Variants in P2RX7 observed in about 807,000 individuals in gnomAD.
The protein encoded by P2RX7 is purinergic receptor P2X 7.
A neutral mutation model predicts 71.6 loss-of-function variants in P2RX7; 62 were observed. The observed-to-expected ratio is 0.87, with a 90% CI of 0.71 to 1.07. P2RX7 has a LOEUF of 1.07. Ranked by LOEUF, P2RX7 falls within the 50% of genes least tolerant of loss-of-function variation. The pLI is 0.00. For synonymous variants in P2RX7, 299 were observed against 283.3 expected (o/e 1.06, Z -0.56); for missense variants, 686 against 748.5 (o/e 0.92, Z 0.97).
intron 1 of P2RX7, among the ~76,000 whole-genome samples, chr12:121,142,753 A>T (rs1875224266): frequency 6.6e-6 from 1 of 152,282 alleles, no homozygotes; most frequent in South Asian, 2.1e-4. Flanking sequence ...AATAGCACTC[A>T]GGGCCCACCT....
At chr12:121,133,860 T>C (rs1872937819) in intron 1 of P2RX7, among the ~76,000 whole-genome samples, 1 of 152,184 alleles carries the variant, frequency 6.6e-6, no homozygotes, top group Non-Finnish European at 1.5e-5. Context: ...TCAATGCTCA[T>C]CCATGTTGTA....
chr12:121,151,417 A>T (rs1347083792), intron 1 of P2RX7, among the ~76,000 whole-genome samples: 1 of 151,808 alleles, frequency 6.6e-6, no homozygotes, highest in Non-Finnish European at 1.5e-5. Flanking sequence ...TTGTATTTTT[A>T]GTAGAGACGG....
chr12:121,158,733 T>TAA (rs34523898), intron 3 of P2RX7, among the ~76,000 whole-genome samples: 2 of 151,300 alleles, frequency 1.3e-5, no homozygotes, highest in South Asian at 2.1e-4. Context: ...TGCTGTTTTT[T>TAA]AAAAAAAAAA....
At chr12:121,174,806 T>C (rs1005949780) in intron 8 of P2RX7, among the ~76,000 whole-genome samples, 2 of 151,996 alleles carry the variant, frequency 1.3e-5, no homozygotes, top group Non-Finnish European at 2.9e-5. Context: ...TGCATTTTAA[T>C]CTTAAGCGAC....
At chr12:121,184,110 C>T (rs181470599) in intron 12 of P2RX7, among the ~76,000 whole-genome samples, 195 bp from the exon 13 acceptor site, 1 of 151,992 alleles carries the variant, frequency 6.6e-6, no homozygotes, top group Admixed American at 6.6e-5. Flanking sequence ...GATACATTAT[C>T]TCACAAGCGT....
chr12:121,165,578 C>T (rs1207423867), intron 6 of P2RX7, 141 bp downstream of exon 6: 3 of 707,358 alleles, frequency 4.2e-6, no homozygotes, highest in Admixed American at 4.6e-5. Flanking sequence ...GACTTTGCTG[C>T]GTGGTTCTGG....
intron 4 of P2RX7, 197 bp from the exon 5 acceptor site, chr12:121,162,227 T>C: frequency 1.5e-6 from 2 of 1,378,230 alleles, no homozygotes; most frequent in Non-Finnish European, 1.9e-6. Flanking sequence ...CTGATCTTTA[T>C]TATGTTTTGC....
intron 3 of P2RX7, among the ~76,000 whole-genome samples, chr12:121,157,753 A>G (rs1056016918): frequency 3.3e-5 from 5 of 152,200 alleles, no homozygotes; most frequent in Admixed American, 2.0e-4. Flanking sequence ...TAACTCTGTG[A>G]CCTCAGGCAG....
At chr12:121,146,097 C>T (rs775469207) in intron 1 of P2RX7, among the ~76,000 whole-genome samples, 7 of 152,160 alleles carry the variant, frequency 4.6e-5, no homozygotes, top group African/African-American at 1.4e-4. Context: ...CTGTAACTTT[C>T]GCCTTTGGTT....
chr12:121,151,185 G>A (rs1877315676), intron 1 of P2RX7, among the ~76,000 whole-genome samples: 1 of 152,058 alleles, frequency 6.6e-6, no homozygotes, highest in African/African-American at 2.4e-5. Context: ...TTGCACCTGT[G>A]AAATAGCCAC....
intron 1 of P2RX7, among the ~76,000 whole-genome samples, chr12:121,137,015 G>GT (rs1306767092): frequency 6.6e-6 from 1 of 152,128 alleles, no homozygotes; most frequent in East Asian, 1.9e-4. Context: ...AGAACACCTT[G>GT]TAATGATAAA....
At chr12:121,165,313 GT>G (rs34430020) in intron 5 of P2RX7, 43 bp from the exon 6 acceptor site, 7 of 1,521,994 alleles carry the variant, frequency 4.6e-6, no homozygotes, top group Non-Finnish European at 5.5e-6. Flanking sequence ...GGCTCCCTCG[GT>G]TCCCCCCGTC....
In P2RX7 at chr12:121,175,275, C is replaced by T. The variant is rs549062088; in HGVS notation, c.882-113C>T. ...GCAGTGAGTGGTAATCCTGCTACTG[C>T]ACTCCAGCCTGGGTGACAGCGTGAG... On this transcript the variant is annotated intron_variant, in intron 8 of 12. Coordinates refer to ENST00000328963, the MANE Select transcript of P2RX7 (RefSeq NM_002562.6). 8 of 591,588 alleles carry T rather than the reference C, an allele frequency of 1.4e-5. No individual in the cohort carries two copies. In the East Asian group the frequency reaches 1.9e-4, roughly 14 times the overall value. The allele number at this position is 591,588 out of a possible 1,614,324, so 36.6% of individuals were successfully genotyped here.
rs112086063 is a variant in P2RX7 at position 121,151,817 on chromosome 12, A to G, written c.126-2968A>G. Among the ~76,000 whole-genome samples the G allele has an allele frequency of 1.0e-3, 156 of 149,602 alleles. 1 individual carries two copies. The highest frequency in any genetic ancestry group is 3.8e-3 in the African/African-American group (153 of 40,620). On this transcript the variant is annotated intron_variant, in intron 1 of 12. Transcript: ENST00000328963. ...CTCTGTCCCCTGCAACGACCAATCT[A>G]CTCTCTGTCTCTGTGGATTCACCTA...
chr12:121,180,340 C>G lies in P2RX7; in HGVS notation c.1189-14C>G, dbSNP rs141775247. 3 of 1,482,102 alleles carry G rather than the reference C, an allele frequency of 2.0e-6. No individual in the cohort carries two copies. The highest frequency in any genetic ancestry group is 1.4e-5 in the African/African-American group (1 of 70,844). The allele number at this position is 1,482,102 out of a possible 1,614,324, so 91.8% of individuals were successfully genotyped here. Reference sequence around the variant, plus strand: ...GTACAAAAATGGGTAAACTTTCAAACCATCTTTTCCTAGACATTAAAGTAT... The same window carrying G: ...GTACAAAAATGGGTAAACTTTCAAAGCATCTTTTCCTAGACATTAAAGTAT... On this transcript the variant is annotated splice_polypyrimidine_tract_variant and intron_variant, in intron 11 of 12. Transcript: ENST00000328963.
rs1879930586 is a variant in P2RX7 at position 121,162,443 on chromosome 12, T to G, written c.456T>G (p.Cys152Trp). 6.2e-7 allele frequency: 1 copy of G among 1,613,764 alleles called. No homozygotes were observed. The highest frequency in any genetic ancestry group is 1.3e-5 in the African/African-American group (1 of 74,876). The change falls in exon 5 of 13, where the codon TGT (cysteine) becomes TGG (tryptophan). Residue 152 changes from cysteine to tryptophan, a missense_variant. Physicochemically the swap from Cys to Trp is radical, Grantham distance 215. Transcript: ENST00000328963. Reference sequence around the variant, plus strand: ...CTATAGGAATTCAGACCGGAAGGTGTGTAGTGTATGAAGGGAACCAGAAGA... The same window carrying G: ...CTATAGGAATTCAGACCGGAAGGTGGGTAGTGTATGAAGGGAACCAGAAGA... ...PQSKGIQTGRCVVYEGNQKTC... is the reference protein window; with the variant it reads ...PQSKGIQTGRWVVYEGNQKTC...
At chr12:121,158,096 C>T (rs551759140) in intron 3 of P2RX7, among the ~76,000 whole-genome samples, 4 of 152,036 alleles carry the variant, frequency 2.6e-5, no homozygotes, top group African/African-American at 9.6e-5. Flanking sequence ...TCCTCTCTGC[C>T]CATCAACACC....
intron 11 of P2RX7, among the ~76,000 whole-genome samples, chr12:121,179,016 T>C (rs147788233): frequency 7.5e-4 from 114 of 152,082 alleles, no homozygotes; most frequent in African/African-American, 2.1e-3. Context: ...TGTGTGGGTG[T>C]ATATATGTAC....
intron 3 of P2RX7, among the ~76,000 whole-genome samples, chr12:121,160,606 CT>C (rs779259848): frequency 2.3e-4 from 35 of 152,232 alleles, no homozygotes; most frequent in Non-Finnish European, 4.4e-4. Context: ...ATGGTGTGGC[CT>C]TTTGTGTCTG....
Sources: allele counts gnomAD v4.1 joint callset (sites outside exome capture counted in the v4.1 genomes callset), GRCh38; gene constraint gnomAD v4.1.1; transcripts MANE v1.5; gene names NCBI Gene and HGNC (gene_info 2026-07-23, HGNC 2026-07-21).